The following ARID5B variants were observed in gnomAD, a reference collection of about 807,000 sequenced individuals.
ARID5B encodes the protein AT-rich interactive domain-containing protein 5B.
ARID5B carries 13 observed loss-of-function variants against 97.2 expected under a neutral mutation model. The ratio of observed to expected loss-of-function variants is 0.13; its 90% CI spans 0.09 to 0.21. The LOEUF is 0.21. Ranked by LOEUF, ARID5B falls within the 10% of genes least tolerant of loss-of-function variation. ARID5B has a pLI of 1.00. For missense variants in ARID5B, 1,210 were observed against 1,465.3 expected (o/e 0.83, Z 2.84); for synonymous variants, 556 against 570.3 (o/e 0.97, Z 0.36).
chr10:62,037,051 C>T (rs1190742431), intron 4 of ARID5B, among the ~76,000 whole-genome samples: 7 of 152,120 alleles, frequency 4.6e-5, no homozygotes, highest in South Asian at 2.1e-4. Context: ...CATGACTCTC[C>T]GGCTCCATAT....
In ARID5B at chr10:61,940,415, A is replaced by G; in HGVS notation, c.502+7A>G. 2.5e-6 allele frequency: 4 copies of G among 1,606,694 alleles called. No homozygotes were observed. The highest frequency in any genetic ancestry group is 3.4e-6 in the Non-Finnish European group (4 of 1,175,746). The stretch of plus-strand genomic sequence containing the variant: ...AAGGAGAAGGCAGACCTGGGTAAAT[A>G]TGACTTGTAATTTTAAATCTAATGT... On this transcript the variant is annotated splice_region_variant and intron_variant, in intron 3 of 9. Coordinates refer to ENST00000279873, the MANE Select transcript of ARID5B (RefSeq NM_032199.3).
At chr10:61,918,987 T>C (rs1387873959) in intron 2 of ARID5B, among the ~76,000 whole-genome samples, 1 of 147,020 alleles carries the variant, frequency 6.8e-6, no homozygotes, top group African/African-American at 2.5e-5. Flanking sequence ...TGAGACGAGA[T>C]TGTGCCACTG....
chr10:62,049,961 G>T (rs896506784), intron 4 of ARID5B, among the ~76,000 whole-genome samples: 7 of 152,186 alleles, frequency 4.6e-5, no homozygotes, highest in South Asian at 4.1e-4. Flanking sequence ...GGGGTGGTTG[G>T]TTAGTTGGTT....
intron 4 of ARID5B, among the ~76,000 whole-genome samples, chr10:62,044,444 A>C (rs1289034480): frequency 6.8e-6 from 1 of 147,534 alleles, no homozygotes; most frequent in Non-Finnish European, 1.5e-5. Flanking sequence ...GCAGTGGCAC[A>C]GTCTAGGCTC....
intron 3 of ARID5B, among the ~76,000 whole-genome samples, chr10:61,957,335 C>T (rs935706005): frequency 1.3e-5 from 2 of 152,112 alleles, no homozygotes; most frequent in Non-Finnish European, 2.9e-5. Context: ...GTGGTGCGAT[C>T]TCGGCTCACT....
intron 2 of ARID5B, among the ~76,000 whole-genome samples, chr10:61,903,252 G>A (rs925846898): frequency 1.3e-5 from 2 of 152,012 alleles, no homozygotes; most frequent in African/African-American, 4.8e-5. Context: ...GTGCCCAGAC[G>A]GCGCTCCCGG....
At chr10:62,060,080 A>C (rs556560862) in intron 7 of ARID5B, among the ~76,000 whole-genome samples, 1 of 152,358 alleles carries the variant, frequency 6.6e-6, no homozygotes, top group African/African-American at 2.4e-5. Context: ...TAAGTTGTGT[A>C]GTTTCTTCTT....
At chr10:61,993,729 A>T (rs1838959165) in intron 3 of ARID5B, among the ~76,000 whole-genome samples, 1 of 152,218 alleles carries the variant, frequency 6.6e-6, no homozygotes, top group Non-Finnish European at 1.5e-5. Context: ...GGAAACTTCA[A>T]TATAATTGTC....
chr10:62,092,906 C>T lies in ARID5B; in HGVS notation c.3443C>T (p.Thr1148Ile). ...CTGTACAGACACTTGGCTGCGGCTA[C>T]ACCTGTAGGAAGTTCATATGGGGAC... is the stretch of plus-strand genomic sequence containing the variant. ...QQLYRHLAAA[T>I]PVGSSYGDLL... Residue 1148 changes from threonine (T) to isoleucine (I), a missense_variant, in exon 10 of 10, where the codon ACA becomes ATA. Physicochemically the swap from Thr to Ile is moderately conservative, Grantham distance 89. Coordinates refer to ENST00000279873, the MANE Select transcript of ARID5B (RefSeq NM_032199.3). 6 of 1,614,248 alleles carry T rather than the reference C, an allele frequency of 3.7e-6. No individual in the cohort carries two copies. Among genetic ancestry groups the T allele is most frequent in the Non-Finnish European group, 5.1e-6 (6 of 1,180,042 alleles).
chr10:61,917,476 G>A (rs1035381514), intron 2 of ARID5B, among the ~76,000 whole-genome samples: 4 of 152,078 alleles, frequency 2.6e-5, no homozygotes, highest in Non-Finnish European at 5.9e-5. Flanking sequence ...TTACAGGAAA[G>A]CACCACCACG....
chr10:61,993,333 TG>T (rs1322741977), intron 3 of ARID5B, among the ~76,000 whole-genome samples: 1 of 152,214 alleles, frequency 6.6e-6, no homozygotes, highest in Non-Finnish European at 1.5e-5. Flanking sequence ...ATAAAGTTGA[TG>T]TACAACTTTG....
chr10:61,933,775 G>A (rs781464225), intron 2 of ARID5B, among the ~76,000 whole-genome samples: 20 of 152,176 alleles, frequency 1.3e-4, no homozygotes, highest in African/African-American at 4.8e-4. Flanking sequence ...AGAGCACAGA[G>A]AGCATAGATT....
chr10:62,000,242 G>A lies in ARID5B; in HGVS notation c.654G>A (p.Arg218=). 1 of 1,613,888 alleles carries A rather than the reference G, an allele frequency of 6.2e-7. No homozygotes were observed. The highest frequency in any genetic ancestry group is 2.2e-5 in the East Asian group (1 of 44,838). Residue 218 remains arginine, a synonymous_variant, in exon 4 of 10, where the codon AGG becomes AGA. Coordinates refer to ENST00000279873, the MANE Select transcript of ARID5B (RefSeq NM_032199.3). The surrounding 1 kb of genome is among the most constrained non-coding windows in gnomAD (Gnocchi z 4.4). ...LALGGIAVVS[R]NPQILYCRDT... The stretch of plus-strand genomic sequence containing the variant: ...TGGGGGGCATTGCAGTGGTCAGCAG[G>A]AACCCTCAGATCCTGTACTGTCGGG...
chr10:62,095,913 C>A lies in ARID5B; in HGVS notation c.*2883C>A. ...AAATCTATTTACTGAGTGTGGCTTCCAAGAAATGTTGCAATTCAAAATGCA... is the reference window on the plus strand; with the variant it reads ...AAATCTATTTACTGAGTGTGGCTTCAAAGAAATGTTGCAATTCAAAATGCA... On this transcript the variant is annotated 3_prime_UTR_variant, in exon 10 of 10. Transcript: ENST00000279873. 4.3e-6 allele frequency: 1 copy of A among 230,474 alleles called. No individual in the cohort carries two copies. Among genetic ancestry groups the A allele is most frequent in the African/African-American group, 2.2e-5 (1 of 45,250 alleles). 14.3% of individuals were successfully genotyped at this position (230,474 alleles called of 1,614,324 possible).
chr10:62,086,003 G>A, intron 9 of ARID5B, 103 bp downstream of exon 9: 1 of 1,229,714 alleles, frequency 8.1e-7, no homozygotes, highest in Non-Finnish European at 1.1e-6. Context: ...CAGTTGGATG[G>A]CTTGATGAAG....
intron 3 of ARID5B, among the ~76,000 whole-genome samples, chr10:61,944,530 T>C (rs1844469751): frequency 1.3e-5 from 2 of 152,238 alleles, no homozygotes; most frequent in South Asian, 4.1e-4. Flanking sequence ...AAAAATCAAA[T>C]TATTTTATGT....
chr10:61,935,367 A>C (rs928516882), intron 2 of ARID5B, among the ~76,000 whole-genome samples: 8 of 152,168 alleles, frequency 5.3e-5, no homozygotes, highest in African/African-American at 1.9e-4. Flanking sequence ...CCATGGATAC[A>C]TAAGAACTCT....
rs559386977 is a variant in ARID5B at position 62,013,764 on chromosome 10, C to A, written c.733+13443C>A. 3.6e-4 allele frequency among the ~76,000 whole-genome samples: 53 copies of A among 146,734 alleles called. No homozygotes were observed. The South Asian group carries it at 9.8e-3, about 27-fold the overall frequency. On this transcript the variant is annotated intron_variant, in intron 4 of 9. Coordinates refer to ENST00000279873, the MANE Select transcript of ARID5B (RefSeq NM_032199.3). ...TTGCAAATGGTGGCAGAATTTGCTT[C>A]TTTTTTAAGGCTAAATAGTATTCCA...
chr10:61,951,707 C>T (rs2132811954), intron 3 of ARID5B, among the ~76,000 whole-genome samples: 1 of 152,274 alleles, frequency 6.6e-6, no homozygotes, highest in South Asian at 2.1e-4. Context: ...ATTTTCCTCC[C>T]ACTCAGAAGT....
Sources: allele counts gnomAD v4.1 joint callset (sites outside exome capture counted in the v4.1 genomes callset), GRCh38; gene constraint gnomAD v4.1.1; non-coding constraint Gnocchi (gnomAD v3.1); transcripts MANE v1.5; gene names NCBI Gene and HGNC (gene_info 2026-07-23, HGNC 2026-07-21).